The following LCT variants were observed in gnomAD, a reference collection of about 807,000 sequenced individuals.
The protein encoded by LCT is lactase.
In LCT, 90 loss-of-function variants were observed where a neutral mutation model predicts 173.0. That is an observed-to-expected ratio of 0.52 (90% CI 0.44 to 0.62). The LOEUF (loss-of-function observed/expected upper bound fraction) is 0.62, where lower values mean the gene tolerates loss of function less well. LCT is among the 20% of genes least tolerant of loss of function. The pLI is 0.00. For synonymous variants in LCT, 853 were observed against 957.6 expected (o/e 0.89, Z 2.02); for missense variants, 1,864 against 2,431.4 (o/e 0.77, Z 4.91).
At position 135,837,181 on chromosome 2, in the gene LCT, T is replaced by C. The variant is rs1313114123; in HGVS notation, c.-12A>G. On this transcript the variant is annotated 5_prime_UTR_variant, in exon 1 of 17. Coordinates refer to ENST00000264162, the MANE Select transcript of LCT (RefSeq NM_002299.4). ...CAAGACAGCTCCATTTTCTAGGAAC[T>C]GTTAGGAGGTATGTGGAACCCTTAC... 6.2e-7 allele frequency: 1 copy of C among 1,610,528 alleles called. No homozygotes were observed. The highest frequency in any genetic ancestry group is 1.1e-5 in the South Asian group (1 of 91,072).
At chr2:135,794,125 G>A (rs895388315) in intron 14 of LCT, among the ~76,000 whole-genome samples, 2 of 146,182 alleles carry the variant, frequency 1.4e-5, no homozygotes, top group Non-Finnish European at 3.0e-5. Context: ...GTGACAGAGC[G>A]AGACTCTGTC....
At chr2:135,805,931 C>A (rs929414513) in intron 9 of LCT, among the ~76,000 whole-genome samples, 2 of 152,104 alleles carry the variant, frequency 1.3e-5, no homozygotes, top group Non-Finnish European at 2.9e-5. Flanking sequence ...AATTCCAGCA[C>A]TTTGGGAGGC....
chr2:135,806,162 T>C (rs2077669330), intron 9 of LCT, among the ~76,000 whole-genome samples: 2 of 152,100 alleles, frequency 1.3e-5, no homozygotes, highest in Non-Finnish European at 2.9e-5. Flanking sequence ...ATTTTTTTGA[T>C]TTTTTTATAG....
chr2:135,828,500 A>T (rs2077905858), intron 3 of LCT, among the ~76,000 whole-genome samples: 1 of 152,174 alleles, frequency 6.6e-6, no homozygotes, highest in African/African-American at 2.4e-5. Context: ...AGGGGGTCCA[A>T]TGTGGGTGCA....
At chr2:135,813,554 T>C (rs149743339) in intron 6 of LCT, among the ~76,000 whole-genome samples, 20 of 152,358 alleles carry the variant, frequency 1.3e-4, no homozygotes, top group African/African-American at 3.8e-4. Context: ...CAACCTCATA[T>C]GGCAGGTACA....
rs760773990 is a variant in LCT, at chr2:135,798,066, G to A, written c.4939C>T (p.Arg1647Cys). Residue 1647 changes from arginine to cysteine, a missense_variant, in exon 13 of 17, where the codon CGT (arginine) becomes TGT (cysteine). Around this residue, in one of 4 missense-constraint regions of LCT, gnomAD observed 514 missense variants for 750.1 expected, o/e 0.69. Transcript: ENST00000264162. Reference protein sequence around the residue: ...DYNEVMKTRIRDRSLAAGLNK... With the variant: ...DYNEVMKTRICDRSLAAGLNK... ...AGGCCTGCAGCCAAGCTCCTGTCAC[G>A]GATCCGCGTCTTCATCACCTCATTG... 6.8e-6 allele frequency: 11 copies of A among 1,612,694 alleles called. No homozygotes were observed. Among genetic ancestry groups the A allele is most frequent in the Admixed American group, 5.0e-5 (3 of 59,974 alleles).
intron 6 of LCT, 153 bp from the exon 7 acceptor site, chr2:135,813,109 T>G: frequency 2.7e-6 from 2 of 727,810 alleles, no homozygotes; most frequent in Middle Eastern, 3.4e-4. Flanking sequence ...ACATCAGCAC[T>G]AATGTTAACA....
chr2:135,818,069 A>T lies in LCT; in HGVS notation c.987-8T>A. 1 of 1,613,170 alleles carries T rather than the reference A, an allele frequency of 6.2e-7. No individual in the cohort carries two copies. Among genetic ancestry groups the T allele is most frequent in the Non-Finnish European group, 8.5e-7 (1 of 1,180,038 alleles). On this transcript the variant is annotated splice_polypyrimidine_tract_variant and splice_region_variant and intron_variant, in intron 5 of 16. Coordinates refer to ENST00000264162, the MANE Select transcript of LCT (RefSeq NM_002299.4). ...GTCAGAGAACAAGACATGCTGCAGG[A>T]TTGAAGGGACAAAAAGGGACATAAT... is the stretch of plus-strand genomic sequence containing the variant.
chr2:135,808,888 C>A lies in LCT; in HGVS notation c.3459G>T (p.Trp1153Cys). Residue 1153 changes from tryptophan to cysteine, a missense_variant, in exon 8 of 17, where the codon TGG becomes TGT. Physicochemically the swap from Trp to Cys is radical, Grantham distance 215. Transcript: ENST00000264162. ...ADRMLQFSLG[W>C]FAHPIFRNGD... ...CGTTTCTAAAAATGGGGTGAGCAAA[C>A]CAGCCCAGGGAGAACTGCAGCATTC... is the stretch of plus-strand genomic sequence containing the variant. 6.2e-7 allele frequency: 1 copy of A among 1,614,218 alleles called. No homozygotes were observed. The highest frequency in any genetic ancestry group is 8.5e-7 in the Non-Finnish European group (1 of 1,180,034).
chr2:135,823,179 TCTG>T (rs2077851438), intron 4 of LCT: 1 of 156,844 alleles, frequency 6.4e-6, no homozygotes, highest in African/African-American at 2.4e-5. Context: ...TCTCCCATAC[TCTG>T]GCCTATGGAC....
Position 135,794,920 on chromosome 2 carries a change from TC to T in LCT, c.4977-146del, listed in dbSNP as rs527587747. ...GAAACTGGCAGGGAAGGAGAAGAGGTCCTTCAGGCGGTGCAGGAAGCACTGC... is the reference window on the plus strand; with the variant it reads ...GAAACTGGCAGGGAAGGAGAAGAGGTCTTCAGGCGGTGCAGGAAGCACTGC... On this transcript the variant is annotated intron_variant, in intron 13 of 16. Transcript: ENST00000264162. The T allele has an allele frequency of 1.9e-4, 166 of 883,288 alleles. No individual in the cohort carries two copies. The East Asian group carries it at 4.1e-3, about 22-fold the overall frequency. 54.7% of individuals were successfully genotyped at this position (883,288 alleles called of 1,614,324 possible).
Position 135,814,246 on chromosome 2 carries a change from C to A in LCT, c.1708-1290G>T, listed in dbSNP as rs138313838. ...GGCTGCTTCTCACATCCCAAATATT[C>A]GTCTTTAGTTGAGTTCTAAACTCGA... On this transcript the variant is annotated intron_variant, in intron 6 of 16. Transcript: ENST00000264162. 2.7e-4 allele frequency among the ~76,000 whole-genome samples: 41 copies of A among 152,312 alleles called. No individual in the cohort carries two copies. The East Asian group carries it at 6.9e-3, about 26-fold the overall frequency.
In LCT at chr2:135,796,550, T is replaced by C. The variant is rs75205078; in HGVS notation, c.4976+1479A>G. ...ACTCTGCCCCGTGGAAAGAATGACC[T>C]GCAATCCCCCACATTCTATCCCCTG... is the stretch of plus-strand genomic sequence containing the variant. On this transcript the variant is annotated intron_variant, in intron 13 of 16. Coordinates refer to ENST00000264162, the MANE Select transcript of LCT (RefSeq NM_002299.4). Among the ~76,000 whole-genome samples the C allele has an allele frequency of 4.5e-3, 680 of 152,332 alleles. 3 individuals carry two copies. The highest frequency in any genetic ancestry group is 8.5e-3 in the South Asian group (41 of 4,828).
chr2:135,803,047 G>T (rs911294422), intron 11 of LCT, among the ~76,000 whole-genome samples: 81 of 152,166 alleles, frequency 5.3e-4, no homozygotes, highest in African/African-American at 1.9e-3. Flanking sequence ...AGGAGGTGGA[G>T]GTTGCAGTGA....
In LCT at chr2:135,837,156, C is replaced by T; in HGVS notation, c.14G>A (p.Trp5Ter). The T allele has an allele frequency of 6.2e-7, 1 of 1,613,144 alleles. No individual in the cohort carries two copies. The highest frequency in any genetic ancestry group is 8.5e-7 in the Non-Finnish European group (1 of 1,179,962). Residue 5 changes from tryptophan (W) to a stop codon, truncating the protein, a stop_gained, in exon 1 of 17, where the codon TGG becomes TAG. Coordinates refer to ENST00000264162, the MANE Select transcript of LCT (RefSeq NM_002299.4). LOFTEE classifies it high-confidence loss of function. MELS[W>*]HVVFIALLSF... The stretch of plus-strand genomic sequence containing the variant: ...TAGCAGGGCAATAAAGACTACATGC[C>T]AAGACAGCTCCATTTTCTAGGAACT...
At chr2:135,830,265 C>T (rs1052400282) in intron 2 of LCT, among the ~76,000 whole-genome samples, 7 of 151,950 alleles carry the variant, frequency 4.6e-5, no homozygotes, top group African/African-American at 9.7e-5. Flanking sequence ...TGGTCCTGGT[C>T]GTCGACACCC....
Position 135,826,576 on chromosome 2 carries a change from A to G in LCT, c.805-2573T>C, listed in dbSNP as rs368496640. On this transcript the variant is annotated intron_variant, in intron 3 of 16. Coordinates refer to ENST00000264162, the MANE Select transcript of LCT (RefSeq NM_002299.4). ...GAGCGAGACTCCATCTTAAAAAAAA[A>G]ATGTTGTGATGGAAAAAGGGAAGAG... 7.2e-4 allele frequency among the ~76,000 whole-genome samples: 109 copies of G among 152,186 alleles called. 2 individuals are homozygous for G. The highest frequency in any genetic ancestry group is 3.7e-3 in the Admixed American group (57 of 15,280).
At chr2:135,824,513 C>A (rs776149906) in intron 3 of LCT, among the ~76,000 whole-genome samples, 1 of 152,018 alleles carries the variant, frequency 6.6e-6, no homozygotes, top group Middle Eastern at 3.4e-3. Flanking sequence ...TGCACTCCAG[C>A]CTGGGTGACA....
chr2:135,822,666 C>T (rs1169978262), intron 4 of LCT: 1 of 160,672 alleles, frequency 6.2e-6, no homozygotes, highest in Non-Finnish European at 1.4e-5. Context: ...GGATAAACTT[C>T]AGGGGCCCTG....
Sources: allele counts gnomAD v4.1 joint callset (sites outside exome capture counted in the v4.1 genomes callset), GRCh38; gene constraint gnomAD v4.1.1; regional missense constraint gnomAD v4.1.1; transcripts MANE v1.5; gene names NCBI Gene and HGNC (gene_info 2026-07-23, HGNC 2026-07-21).